The following ADGRL4 variants were observed in gnomAD, a reference collection of about 807,000 sequenced individuals.
ADGRL4 encodes adhesion G protein-coupled receptor L4.
Under a neutral mutation model 74.8 loss-of-function variants are expected in ADGRL4, and 90 were observed. The observed-to-expected ratio is 1.20, with a 90% CI of 1.02 to 1.43. ADGRL4 has a LOEUF of 1.43. ADGRL4 is among the 40% of genes most tolerant of loss of function. The pLI is 0.00. For synonymous variants in ADGRL4, 311 were observed against 279.2 expected (o/e 1.11, Z -1.14); for missense variants, 881 against 814.3 (o/e 1.08, Z -1.00).
chr1:78,959,201 A>G (rs987711168), intron 2 of ADGRL4, among the ~76,000 whole-genome samples: 4 of 152,328 alleles, frequency 2.6e-5, no homozygotes, highest in Non-Finnish European at 5.9e-5. Flanking sequence ...CAAATTTACA[A>G]TATCTCTGAG....
rs976846175 is a variant in ADGRL4, at chr1:78,920,172, T to G, written c.1461+11A>C. The G allele has an allele frequency of 3.8e-6, 6 of 1,593,062 alleles. No homozygotes were observed. In the East Asian group the frequency reaches 1.3e-4, roughly 36 times the overall value. ...CATAGGACAAAAATAGAGATTAGGA[T>G]GCCTACATACCTTATTAGTATTTGT... On this transcript the variant is annotated intron_variant, in intron 10 of 14. Transcript: ENST00000370742.
intron 12 of ADGRL4, among the ~76,000 whole-genome samples, chr1:78,899,435 A>G (rs774274877): frequency 2.0e-5 from 3 of 152,120 alleles, no homozygotes; most frequent in East Asian, 3.9e-4. Flanking sequence ...GTCCACTGCA[A>G]CCTCAACCTC....
intron 2 of ADGRL4, among the ~76,000 whole-genome samples, chr1:78,985,691 T>C (rs1159617392): frequency 6.6e-6 from 1 of 151,750 alleles, no homozygotes; most frequent in Non-Finnish European, 1.5e-5. Context: ...TTAAGCAATA[T>C]ATAAGACATG....
intron 12 of ADGRL4, among the ~76,000 whole-genome samples, chr1:78,907,550 A>T (rs1280293813): frequency 7.2e-5 from 11 of 152,086 alleles, no homozygotes; most frequent in Admixed American, 6.6e-4. Context: ...GAATGATAAA[A>T]GTTTTCCAAA....
At chr1:79,001,243 G>GGA (rs1650838485) in intron 2 of ADGRL4, among the ~76,000 whole-genome samples, 2 of 124,648 alleles carry the variant, frequency 1.6e-5, no homozygotes, top group African/African-American at 3.1e-5. Flanking sequence ...GGGAGGGAGG[G>GGA]AGGAAGGAAG....
Position 78,924,489 on chromosome 1 carries a change from G to T in ADGRL4, c.1083+2397C>A, listed in dbSNP as rs182980353. ...GCTGAATGTTATGTGAAAATGATGG[G>T]GGAAGGGAAGGCATGCCTGGGCTGA... On this transcript the variant is annotated intron_variant, in intron 8 of 14. Coordinates refer to ENST00000370742, the MANE Select transcript of ADGRL4 (RefSeq NM_022159.4). Among the ~76,000 whole-genome samples the T allele has an allele frequency of 2.1e-3, 326 of 152,026 alleles. 1 individual carries two copies. Among genetic ancestry groups the T allele is most frequent in the African/African-American group, 7.6e-3 (317 of 41,508 alleles).
intron 2 of ADGRL4, among the ~76,000 whole-genome samples, chr1:79,001,755 T>C (rs1362819092): frequency 6.6e-6 from 1 of 152,164 alleles, no homozygotes. Flanking sequence ...GGGTACCATT[T>C]TGTGAAAATG....
intron 7 of ADGRL4, among the ~76,000 whole-genome samples, chr1:78,935,801 A>T (rs904641466): frequency 1.3e-5 from 2 of 152,184 alleles, no homozygotes; most frequent in Non-Finnish European, 2.9e-5. Context: ...CCAGGTATTT[A>T]TAACAGAATG....
chr1:78,981,045 A>G (rs139391317), intron 2 of ADGRL4, among the ~76,000 whole-genome samples: 246 of 152,036 alleles, frequency 1.6e-3, no homozygotes, highest in African/African-American at 5.6e-3. Context: ...AAGGTTAAAC[A>G]GGCATTTTCA....
chr1:78,917,334 G>A (rs1648896102), intron 12 of ADGRL4, among the ~76,000 whole-genome samples: 1 of 151,480 alleles, frequency 6.6e-6, no homozygotes, highest in African/African-American at 2.4e-5. Context: ...TCCATCAAGA[G>A]GGGCAAATGA....
rs1648242510 is a variant in ADGRL4, at chr1:78,890,347, A to C, written c.*807T>G. 6.6e-6 allele frequency: 1 copy of C among 152,168 alleles called. No individual in the cohort carries two copies. Among genetic ancestry groups the C allele is most frequent in the Admixed American group, 6.6e-5 (1 of 15,260 alleles). 9.4% of individuals were successfully genotyped at this position (152,168 alleles called of 1,614,324 possible). A position where few individuals can be genotyped will look rare whatever the true frequency, so the allele number is the denominator to read the frequency against. On this transcript the variant is annotated 3_prime_UTR_variant, in exon 15 of 15. Coordinates refer to ENST00000370742, the MANE Select transcript of ADGRL4 (RefSeq NM_022159.4). ...TGTTTTTACATTGATAGGTATAAAC[A>C]ATATTATATCTTGACACATTTATAT... is the stretch of plus-strand genomic sequence containing the variant.
chr1:78,945,925 G>A (rs1426312350), intron 3 of ADGRL4, among the ~76,000 whole-genome samples: 1 of 151,998 alleles, frequency 6.6e-6, no homozygotes, highest in Non-Finnish European at 1.5e-5. Flanking sequence ...TAATGCAAAT[G>A]ACAATTTTCT....
Position 78,935,804 on chromosome 1 carries a change from A to G in ADGRL4, c.877+491T>C, listed in dbSNP as rs191385502. 2.1e-3 allele frequency among the ~76,000 whole-genome samples: 322 copies of G among 152,290 alleles called. 2 individuals carry two copies. The highest frequency in any genetic ancestry group is 3.6e-3 in the Admixed American group (55 of 15,292). ...CCAAAATCCTCCCCAGGTATTTATA[A>G]CAGAATGGAAATCTCAAGTAAGAAT... On this transcript the variant is annotated intron_variant, in intron 7 of 14. Transcript: ENST00000370742.
intron 2 of ADGRL4, among the ~76,000 whole-genome samples, chr1:78,955,960 T>A (rs911087512): frequency 3.3e-5 from 5 of 152,172 alleles, no homozygotes; most frequent in Non-Finnish European, 7.4e-5. Flanking sequence ...GTACTTTCTT[T>A]ACTATATAAT....
chr1:78,931,305 C>T (rs1202633821), intron 7 of ADGRL4, among the ~76,000 whole-genome samples: 1 of 151,336 alleles, frequency 6.6e-6, no homozygotes, highest in East Asian at 1.9e-4. Context: ...GAATTTTCAA[C>T]CCAGAGTTTC....
At chr1:78,903,659 G>C (rs938849763) in intron 12 of ADGRL4, among the ~76,000 whole-genome samples, 1 of 152,044 alleles carries the variant, frequency 6.6e-6, no homozygotes, top group Non-Finnish European at 1.5e-5. Flanking sequence ...CTATTGGCCG[G>C]GCGCGGTGGC....
At chr1:78,962,516 G>A (rs1649975936) in intron 2 of ADGRL4, among the ~76,000 whole-genome samples, 1 of 151,946 alleles carries the variant, frequency 6.6e-6, no homozygotes, top group African/African-American at 2.4e-5. Flanking sequence ...TGCCGACCCA[G>A]GTTGAAGACA....
At chr1:78,991,734 T>G (rs1650611425) in intron 2 of ADGRL4, among the ~76,000 whole-genome samples, 2 of 151,974 alleles carry the variant, frequency 1.3e-5, no homozygotes, top group Admixed American at 1.3e-4. Context: ...AGTATAATGT[T>G]AATTACACAA....
chr1:78,966,845 G>T (rs1650066604), intron 2 of ADGRL4, among the ~76,000 whole-genome samples: 1 of 150,140 alleles, frequency 6.7e-6, no homozygotes, highest in Non-Finnish European at 1.5e-5. Context: ...TAACTTTTAA[G>T]CTAGTTTTTT....
Sources: allele counts gnomAD v4.1 joint callset (sites outside exome capture counted in the v4.1 genomes callset), GRCh38; gene constraint gnomAD v4.1.1; transcripts MANE v1.5; gene names NCBI Gene and HGNC (gene_info 2026-07-23, HGNC 2026-07-21).